The following UGT1A3 variants were observed in gnomAD, a reference collection of about 807,000 sequenced individuals.
The protein encoded by UGT1A3 is UDP glucuronosyltransferase family 1 member A3, also known as UDP-glucuronosyltransferase 1A3.
UGT1A3 carries 31 observed loss-of-function variants against 41.0 expected under a neutral mutation model. The ratio of observed to expected loss-of-function variants is 0.76; its 90% confidence interval spans 0.57 to 1.02. The LOEUF is 1.02. Among genes scored for constraint, UGT1A3 ranks in the 50% least tolerant of loss-of-function variants. UGT1A3 has a pLI of 0.00. For missense variants in UGT1A3, 737 were observed against 671.0 expected (o/e 1.10, Z -1.09); for synonymous variants, 262 against 257.6 (o/e 1.02, Z -0.17).
At chr2:233,743,804 T>C (rs1692519610) in intron 1 of UGT1A3, 4 of 1,367,166 alleles carry the variant, frequency 2.9e-6, no homozygotes, top group Non-Finnish European at 2.9e-6. Context: ...TTCCTCCTTG[T>C]TCTCAGGGTT....
intron 1 of UGT1A3, among the ~76,000 whole-genome samples, chr2:233,748,531 T>G (rs1693967271): frequency 6.6e-6 from 1 of 151,738 alleles, no homozygotes; most frequent in African/African-American, 2.4e-5. Flanking sequence ...GATAGAGAGG[T>G]GACCACAGGA....
intron 1 of UGT1A3, among the ~76,000 whole-genome samples, chr2:233,739,521 C>G (rs937705883): frequency 6.6e-6 from 1 of 152,212 alleles, no homozygotes; most frequent in Non-Finnish European, 1.5e-5. Context: ...GACATGAAGT[C>G]AAGGGAGATT....
rs528831440 is a variant in UGT1A3, at chr2:233,734,491, G to GT, written c.867+4505dup. Among the ~76,000 whole-genome samples, 467 of 152,022 alleles carry GT rather than the reference G, an allele frequency of 3.1e-3. 1 individual carries two copies. Among genetic ancestry groups the GT allele is most frequent in the Admixed American group, 5.0e-3 (77 of 15,264 alleles). On this transcript the variant is annotated intron_variant, in intron 1 of 4. Coordinates refer to ENST00000482026, the MANE Select transcript of UGT1A3 (RefSeq NM_019093.4). ...CCTGGATTCATTGATTTTTTTGAAG[G>GT]TTTTTTTGTGTCTCTATCTCTTTCA...
chr2:233,746,290 CTT>C (rs1389294286), intron 1 of UGT1A3, among the ~76,000 whole-genome samples: 2 of 151,596 alleles, frequency 1.3e-5, no homozygotes, highest in Non-Finnish European at 2.9e-5. Flanking sequence ...AGGAAGGTGG[CTT>C]TGTTTCCCTT....
At chr2:233,759,578 C>T (rs1477020386) in intron 1 of UGT1A3, among the ~76,000 whole-genome samples, 1 of 151,810 alleles carries the variant, frequency 6.6e-6, no homozygotes, top group East Asian at 1.9e-4. Context: ...ATTCTCTACC[C>T]CAGCACGCCC....
chr2:233,735,838 C>T (rs1278519081), intron 1 of UGT1A3, among the ~76,000 whole-genome samples: 2 of 152,038 alleles, frequency 1.3e-5, no homozygotes, highest in Non-Finnish European at 2.9e-5. Context: ...AATATTGGCC[C>T]CCACTCTCTT....
At chr2:233,767,542 T>C (rs1158948915) in intron 2 of UGT1A3, among the ~76,000 whole-genome samples, 1 of 152,274 alleles carries the variant, frequency 6.6e-6, no homozygotes, top group African/African-American at 2.4e-5. Context: ...TTTCTGCTCT[T>C]ATAGTTCTGC....
intron 3 of UGT1A3, 72 bp downstream of exon 3, chr2:233,768,008 C>A (rs1699546066): frequency 1.9e-6 from 3 of 1,613,978 alleles, no homozygotes; most frequent in Admixed American, 1.7e-5. Context: ...CACAGCTATT[C>A]TAAAGGATTG....
At chr2:233,767,269 G>C (rs1288837009) in intron 2 of UGT1A3, 104 bp downstream of exon 2, 10 of 1,582,566 alleles carry the variant, frequency 6.3e-6, no homozygotes, top group Non-Finnish European at 8.5e-7. Flanking sequence ...CTTAGATTTG[G>C]CTTTTCCCTG....
chr2:233,749,182 C>G (rs1694137335), intron 1 of UGT1A3, among the ~76,000 whole-genome samples: 1 of 151,722 alleles, frequency 6.6e-6, no homozygotes, highest in Admixed American at 6.6e-5. Flanking sequence ...TTCTGTACTT[C>G]TTTTTATTAA....
At chr2:233,747,029 T>C (rs1693544106) in intron 1 of UGT1A3, among the ~76,000 whole-genome samples, 1 of 152,046 alleles carries the variant, frequency 6.6e-6, no homozygotes, top group Middle Eastern at 3.4e-3. Context: ...TTTCCCGAAG[T>C]GGGACCCATA....
chr2:233,758,527 A>G (rs1696905658), intron 1 of UGT1A3, among the ~76,000 whole-genome samples: 1 of 152,232 alleles, frequency 6.6e-6, no homozygotes, highest in East Asian at 1.9e-4. Context: ...GAGTGAAAGC[A>G]TTGCTATGTC....
In UGT1A3 at chr2:233,731,732, C is replaced by T. The variant is rs376493971; in HGVS notation, c.867+1739C>T. Among the ~76,000 whole-genome samples, 8 of 152,220 alleles carry T rather than the reference C, an allele frequency of 5.3e-5. No homozygotes were observed. In the East Asian group the frequency reaches 1.3e-3, roughly 26 times the overall value. On this transcript the variant is annotated intron_variant, in intron 1 of 4. Transcript: ENST00000482026. ...CAGGTCTTTGCTATTGTGAATAGTG[C>T]CACAATAAACATACGTGTGCATGTG...
rs34903743 is a variant in UGT1A3 at position 233,767,311 on chromosome 2, T to G, written c.999+146T>G. 5,888 of 1,514,258 alleles carry G rather than the reference T, an allele frequency of 3.9e-3. 20 individuals carry two copies. Among genetic ancestry groups the G allele is most frequent in the Admixed American group, 4.9e-3 (211 of 43,394 alleles). The allele number at this position is 1,514,258 out of a possible 1,614,324, so 93.8% of individuals were successfully genotyped here. A position where few individuals can be genotyped will look rare whatever the true frequency, so the allele number is the denominator to read the frequency against. On this transcript the variant is annotated intron_variant, in intron 2 of 4. Coordinates refer to ENST00000482026, the MANE Select transcript of UGT1A3 (RefSeq NM_019093.4). Reference sequence around the variant, plus strand: ...CCCAACTATTAATCCAAAGGTTTTTTTTGTTGTTGTGGTTGTTGTCATTGT... The same window carrying G: ...CCCAACTATTAATCCAAAGGTTTTTGTTGTTGTTGTGGTTGTTGTCATTGT...
At position 233,755,083 on chromosome 2, in the gene UGT1A3, C is replaced by T. The variant is rs755765570; in HGVS notation, c.868-11951C>T. ...GCCTCGCCATAGCGGTCATAGATAT[C>T]GCGTTTCTACGCGTCCGACAACACC... On this transcript the variant is annotated intron_variant, in intron 1 of 4. Transcript: ENST00000482026. The T allele has an allele frequency of 3.0e-6, 4 of 1,335,262 alleles. No individual in the cohort carries two copies. In the South Asian group the frequency reaches 3.4e-5, roughly 11 times the overall value. 82.7% of individuals were successfully genotyped at this position (1,335,262 alleles called of 1,614,324 possible). A position where few individuals can be genotyped will look rare whatever the true frequency, so the allele number is the denominator to read the frequency against.
chr2:233,742,039 T>C (rs553186051), intron 1 of UGT1A3: 6 of 152,044 alleles, frequency 3.9e-5, no homozygotes, highest in African/African-American at 1.5e-4. Context: ...GTCCCAAGCA[T>C]AGCAATAGGA....
intron 1 of UGT1A3, among the ~76,000 whole-genome samples, chr2:233,751,216 T>G (rs569696168): frequency 6.6e-6 from 1 of 152,100 alleles, no homozygotes; most frequent in East Asian, 1.9e-4. Flanking sequence ...CTTTAAGATT[T>G]AATGACTGCC....
intron 4 of UGT1A3, among the ~76,000 whole-genome samples, chr2:233,768,745 G>A (rs1699716714): frequency 1.3e-5 from 2 of 151,730 alleles, no homozygotes; most frequent in Admixed American, 1.3e-4. Context: ...ACCACGCCCG[G>A]TTAATTTTTG....
chr2:233,750,088 A>G (rs1694357041), intron 1 of UGT1A3, among the ~76,000 whole-genome samples: 1 of 151,928 alleles, frequency 6.6e-6, no homozygotes, highest in South Asian at 2.1e-4. Context: ...AGGTTGGAAC[A>G]GTTTGGAGAG....
Sources: gnomAD v4.1 joint callset for allele counts (sites outside exome capture counted in the v4.1 genomes callset) on GRCh38, gnomAD v4.1.1 for gene constraint, MANE v1.5 for transcripts, NCBI Gene and HGNC (gene_info 2026-07-23, HGNC 2026-07-21) for gene names.